The following GRM4 variants were observed in gnomAD, a reference collection of about 807,000 sequenced individuals.
GRM4 encodes glutamate metabotropic receptor 4, also known as metabotropic glutamate receptor 4.
A neutral mutation model predicts 81.7 loss-of-function variants in GRM4; 28 were observed. The ratio of observed to expected loss-of-function variants is 0.34; its 90% CI spans 0.25 to 0.47. GRM4 has a LOEUF of 0.47. GRM4 is among the 20% of genes least tolerant of loss of function. GRM4 has a pLI of 1.00. For synonymous variants in GRM4, 488 were observed against 528.8 expected (o/e 0.92, Z 1.06); for missense variants, 948 against 1,290.0 (o/e 0.73, Z 4.06).
At position 34,028,304 on chromosome 6, in the gene GRM4, T is replaced by G. The variant is rs1373240106; in HGVS notation, c.2505A>C (p.Gly835=). ...TGTAGACTTTGGGCATGTAGAGCAT[T>G]CCCAGGGACACCGAGGCGCTCAGAC... ...SVSLSASVSL[G]MLYMPKVYII... is the part of the protein sequence containing the mutation. Residue 835 remains glycine (G), a synonymous_variant, in exon 10 of 11, where the codon GGA becomes GGC. Coordinates refer to ENST00000538487, the MANE Select transcript of GRM4 (RefSeq NM_000841.4). The G allele has an allele frequency of 6.2e-7, 1 of 1,613,258 alleles. No individual in the cohort carries two copies. The highest frequency in any genetic ancestry group is 1.3e-5 in the African/African-American group (1 of 74,902).
At chr6:34,081,277 C>A (rs1374250390) in intron 3 of GRM4, among the ~76,000 whole-genome samples, 1 of 152,234 alleles carries the variant, frequency 6.6e-6, no homozygotes, top group African/African-American at 2.4e-5. Context: ...ATGCTCAGGA[C>A]TTCTGTGCAG....
At chr6:34,134,998 G>C (rs1770403208) in intron 1 of GRM4, among the ~76,000 whole-genome samples, 2 of 151,240 alleles carry the variant, frequency 1.3e-5, no homozygotes, top group Non-Finnish European at 1.5e-5. Flanking sequence ...TGGAAGCTGA[G>C]TCAGGGCTTG....
At position 34,069,206 on chromosome 6, in the gene GRM4, GCA is replaced by G. The variant is rs1287473537; in HGVS notation, c.737-7180_737-7179del. Among the ~76,000 whole-genome samples the G allele has an allele frequency of 2.0e-5, 2 of 102,494 alleles. No homozygotes were observed. The highest frequency in any genetic ancestry group is 9.2e-5 in the African/African-American group (2 of 21,774). The allele number at this position is 102,494 out of a possible 152,430, so 67.2% of individuals were successfully genotyped here. ...CACACACACACACACACACACACAC[GCA>G]CGCACACACGGCTCCTTCCTTCTGA... is the stretch of plus-strand genomic sequence containing the variant. On this transcript the variant is annotated intron_variant, in intron 3 of 10. Transcript: ENST00000538487. The surrounding 1 kb of genome is among the most constrained non-coding windows in gnomAD (Gnocchi z 6.4).
chr6:34,057,468 A>C (rs1327696876), intron 5 of GRM4, among the ~76,000 whole-genome samples: 1 of 152,222 alleles, frequency 6.6e-6, no homozygotes, highest in Non-Finnish European at 1.5e-5. Flanking sequence ...GGCCTGCAGT[A>C]GGATTTCTCA....
chr6:34,137,133 G>A (rs1314978768), intron 1 of GRM4, among the ~76,000 whole-genome samples: 2 of 152,316 alleles, frequency 1.3e-5, no homozygotes, highest in Non-Finnish European at 2.9e-5. Context: ...CCTTCCCCAG[G>A]TGAAATCATC....
chr6:34,058,326 T>C (rs1392287143), intron 5 of GRM4, among the ~76,000 whole-genome samples: 1 of 152,108 alleles, frequency 6.6e-6, no homozygotes, highest in Non-Finnish European at 1.5e-5. Context: ...GTCCCTCCCC[T>C]CCTCAGGCCT....
chr6:34,028,596 G>A (rs1181388492), intron 9 of GRM4, among the ~76,000 whole-genome samples: 1 of 152,206 alleles, frequency 6.6e-6, no homozygotes, highest in Admixed American at 6.5e-5. Flanking sequence ...GTTTCCTCAC[G>A]TATAATGTGG....
chr6:34,113,805 G>GT (rs1258564447), intron 2 of GRM4, among the ~76,000 whole-genome samples: 1 of 152,106 alleles, frequency 6.6e-6, no homozygotes, highest in Non-Finnish European at 1.5e-5. Context: ...TTTTTAAAAC[G>GT]TAAGTCTAAT....
intron 3 of GRM4, among the ~76,000 whole-genome samples, chr6:34,087,496 C>T (rs1767960181): frequency 6.6e-6 from 1 of 152,026 alleles, no homozygotes; most frequent in South Asian, 2.1e-4. Flanking sequence ...CTTTCTCCCT[C>T]CTCAGTGACT....
rs1764619210 is a variant in GRM4, at chr6:34,035,084, T to G, written c.2442+584A>C. ...GAGAAGGGGGGTCCCATGGGGATCTTGTGAGGGGTAGATGGAGGAGGGAGA... is the reference window on the plus strand; with the variant it reads ...GAGAAGGGGGGTCCCATGGGGATCTGGTGAGGGGTAGATGGAGGAGGGAGA... On this transcript the variant is annotated intron_variant, in intron 9 of 10. Transcript: ENST00000538487. The surrounding 1 kb of genome is among the most constrained non-coding windows in gnomAD (Gnocchi z 6.6). Among the ~76,000 whole-genome samples, 2 of 151,680 alleles carry G rather than the reference T, an allele frequency of 1.3e-5. No individual in the cohort carries two copies. Among genetic ancestry groups the G allele is most frequent in the African/African-American group, 4.8e-5 (2 of 41,262 alleles).
At chr6:34,057,924 C>T (rs1463943252) in intron 5 of GRM4, among the ~76,000 whole-genome samples, 1 of 152,024 alleles carries the variant, frequency 6.6e-6, no homozygotes, top group Non-Finnish European at 1.5e-5. Context: ...TTTATTGTGG[C>T]TGGGGCTGGT....
intron 2 of GRM4, among the ~76,000 whole-genome samples, chr6:34,110,309 C>CAAAAA (rs3041237): frequency 3.8e-5 from 3 of 79,002 alleles, no homozygotes; most frequent in South Asian, 5.0e-4. Context: ...CAACACCCAC[C>CAAAAA]AAAAAAAAAA....
upstream of GRM4, among the ~76,000 whole-genome samples, chr6:34,150,377 G>A (rs1771021008): frequency 2.0e-5 from 3 of 152,060 alleles, no homozygotes; most frequent in Admixed American, 1.3e-4. Flanking sequence ...GGAGCACCCC[G>A]CAAGAGTGGG....
intron 3 of GRM4, among the ~76,000 whole-genome samples, chr6:34,083,308 G>A (rs1333929958): frequency 1.3e-5 from 2 of 152,206 alleles, no homozygotes; most frequent in African/African-American, 2.4e-5. Context: ...AATGGCAGAG[G>A]AATCCAAGCC....
chr6:34,154,914 G>C (rs1292736053), intron 1 of GRM4, among the ~76,000 whole-genome samples: 1 of 152,224 alleles, frequency 6.6e-6, no homozygotes, highest in Non-Finnish European at 1.5e-5. Context: ...TCCCCATCGC[G>C]GGCCAGCACC....
intron 2 of GRM4, among the ~76,000 whole-genome samples, chr6:34,095,706 C>T (rs960030772): frequency 3.9e-5 from 6 of 152,134 alleles, no homozygotes; most frequent in African/African-American, 9.7e-5. Context: ...CCCTCTCTGC[C>T]GGCCCCCTCC....
intron 3 of GRM4, among the ~76,000 whole-genome samples, chr6:34,076,661 C>A: frequency 6.8e-6 from 1 of 147,372 alleles, no homozygotes; most frequent in East Asian, 2.1e-4. Context: ...CCAGCCTCAC[C>A]CAGGGCAGCA....
At chr6:34,086,104 G>A (rs1031231716) in intron 3 of GRM4, among the ~76,000 whole-genome samples, 3 of 152,362 alleles carry the variant, frequency 2.0e-5, no homozygotes, top group Non-Finnish European at 4.4e-5. Flanking sequence ...TAATGTGAGT[G>A]GGGCCAGCCC....
chr6:34,098,764 G>A (rs1768672015), intron 2 of GRM4, among the ~76,000 whole-genome samples: 1 of 152,254 alleles, frequency 6.6e-6, no homozygotes, highest in South Asian at 2.1e-4. Flanking sequence ...AGAGAAAGAG[G>A]AGGAGAGTGC....
Sources: allele counts gnomAD v4.1 joint callset (sites outside exome capture counted in the v4.1 genomes callset), GRCh38; gene constraint gnomAD v4.1.1; non-coding constraint Gnocchi (gnomAD v3.1); transcripts MANE v1.5; gene names NCBI Gene and HGNC (gene_info 2026-07-23, HGNC 2026-07-21).